XKR6: variants seen among roughly 807,000 people sequenced by gnomAD.
The protein encoded by XKR6 is XK-related protein 6.
A neutral mutation model predicts 56.7 loss-of-function variants in XKR6; 22 were observed. The ratio of observed to expected loss-of-function variants is 0.39; its 90% CI spans 0.28 to 0.55. The LOEUF (loss-of-function observed/expected upper bound fraction) is 0.55, where lower values mean the gene tolerates loss of function less well. XKR6 is among the 20% of genes least tolerant of loss of function. The probability of loss-of-function intolerance (pLI) is 0.66; values close to 1 mark genes in which losing one functional copy is unlikely to be tolerated. For missense variants in XKR6, 852 were observed against 889.0 expected (o/e 0.96, Z 0.53); for synonymous variants, 524 against 387.8 (o/e 1.35, Z -4.13).
At chr8:11,189,741 C>G (rs1471717432) in intron 1 of XKR6, among the ~76,000 whole-genome samples, 1 of 152,154 alleles carries the variant, frequency 6.6e-6, no homozygotes, top group Non-Finnish European at 1.5e-5. Flanking sequence ...TTTCTGAAAA[C>G]CTAGATTTTT....
At chr8:11,068,221 C>A (rs753008083) in intron 1 of XKR6, among the ~76,000 whole-genome samples, 51 of 152,202 alleles carry the variant, frequency 3.4e-4, no homozygotes, top group Non-Finnish European at 6.2e-4. Context: ...GCTCCATCAT[C>A]TCAGACCGTC....
At chr8:11,179,237 G>A (rs1332686568) in intron 1 of XKR6, among the ~76,000 whole-genome samples, 3 of 152,060 alleles carry the variant, frequency 2.0e-5, no homozygotes, top group Non-Finnish European at 4.4e-5. Flanking sequence ...ACAAGCATCT[G>A]GCTAGAAGAC....
chr8:11,043,504 T>C (rs548843881), intron 1 of XKR6, among the ~76,000 whole-genome samples: 10 of 152,228 alleles, frequency 6.6e-5, no homozygotes, highest in Middle Eastern at 3.2e-3. Context: ...GAGTTTGTTT[T>C]ACGTCCCCTG....
At chr8:11,099,562 A>G (rs1199815680) in intron 1 of XKR6, among the ~76,000 whole-genome samples, 2 of 152,086 alleles carry the variant, frequency 1.3e-5, no homozygotes, top group African/African-American at 4.8e-5. Context: ...TAACTCCTTT[A>G]CTTTCTTTAC....
At chr8:10,957,682 C>A (rs1296042654) in intron 1 of XKR6, among the ~76,000 whole-genome samples, 3 of 152,180 alleles carry the variant, frequency 2.0e-5, no homozygotes, top group Non-Finnish European at 4.4e-5. Context: ...GGCAGCATGG[C>A]CCCATCCCTC....
At chr8:11,028,606 T>A (rs1443496408) in intron 1 of XKR6, among the ~76,000 whole-genome samples, 1 of 152,212 alleles carries the variant, frequency 6.6e-6, no homozygotes, top group Non-Finnish European at 1.5e-5. Context: ...TTCTTGTTTG[T>A]AGGAGCTCCA....
chr8:11,131,961 T>C (rs917100203), intron 1 of XKR6, among the ~76,000 whole-genome samples: 2 of 152,114 alleles, frequency 1.3e-5, no homozygotes, highest in South Asian at 4.1e-4. Context: ...AGAACATTAT[T>C]GTTAAGTGAT....
chr8:11,029,316 A>T (rs1049203462), intron 1 of XKR6, among the ~76,000 whole-genome samples: 2 of 151,982 alleles, frequency 1.3e-5, no homozygotes, highest in Admixed American at 1.3e-4. Flanking sequence ...ACCCTTACAG[A>T]CCCCTCATAT....
chr8:11,186,384 A>G (rs1268317765), intron 1 of XKR6, among the ~76,000 whole-genome samples: 1 of 152,154 alleles, frequency 6.6e-6, no homozygotes, highest in Non-Finnish European at 1.5e-5. Context: ...ACTTCAAACC[A>G]GGGCTTTGAG....
At chr8:11,023,843 A>C (rs748882365) in intron 1 of XKR6, among the ~76,000 whole-genome samples, 5 of 152,174 alleles carry the variant, frequency 3.3e-5, no homozygotes, top group African/African-American at 4.8e-5. Context: ...GCCTGTCTTC[A>C]TTACCAGGGT....
At chr8:11,127,178 G>A (rs139812605) in intron 1 of XKR6, among the ~76,000 whole-genome samples, 2 of 152,242 alleles carry the variant, frequency 1.3e-5, no homozygotes, top group African/African-American at 4.8e-5. Flanking sequence ...AGATGTACTA[G>A]AATTCCACCA....
intron 1 of XKR6, among the ~76,000 whole-genome samples, chr8:10,968,341 T>C (rs1320488960): frequency 6.6e-6 from 1 of 152,252 alleles, no homozygotes; most frequent in Non-Finnish European, 1.5e-5. Context: ...GAAGTTAGCA[T>C]CTTAATAAGT....
intron 1 of XKR6, among the ~76,000 whole-genome samples, chr8:11,080,138 G>A (rs192312282): frequency 6.6e-6 from 1 of 151,264 alleles, no homozygotes; most frequent in Admixed American, 6.6e-5. Flanking sequence ...ACCTCAGAAA[G>A]CAAGAAAAAA....
intron 1 of XKR6, among the ~76,000 whole-genome samples, chr8:11,177,430 A>G (rs1306791806): frequency 6.6e-6 from 1 of 152,224 alleles, no homozygotes; most frequent in Admixed American, 6.5e-5. Flanking sequence ...TATGCTAAGA[A>G]AAGACCATGA....
intron 1 of XKR6, among the ~76,000 whole-genome samples, chr8:11,150,700 A>G (rs1801228949): frequency 6.6e-6 from 1 of 151,930 alleles, no homozygotes; most frequent in Non-Finnish European, 1.5e-5. Flanking sequence ...TAAAAATACA[A>G]AAATTAGCTG....
intron 1 of XKR6, among the ~76,000 whole-genome samples, chr8:11,135,757 G>GA (rs542246887): frequency 1.9e-4 from 28 of 150,866 alleles, no homozygotes; most frequent in Non-Finnish European, 3.5e-4. Flanking sequence ...AGAAAAAAGT[G>GA]AAAAAACCAC....
In XKR6 at chr8:11,031,407, C is replaced by T. The variant is rs559471923; in HGVS notation, c.765-106577G>A. Among the ~76,000 whole-genome samples the T allele has an allele frequency of 2.6e-5, 4 of 152,318 alleles. No homozygotes were observed. In the East Asian group the frequency reaches 5.8e-4, roughly 22 times the overall value. On this transcript the variant is annotated intron_variant, in intron 1 of 2. Coordinates refer to ENST00000416569, the MANE Select transcript of XKR6 (RefSeq NM_173683.4). ...CTAGAAGGAGAGTAAGCAATAAGGT[C>T]TGAGGCAGGTCCGAGTAAGGCACTG... is the stretch of plus-strand genomic sequence containing the variant.
chr8:11,174,233 C>G (rs371992557), intron 1 of XKR6, among the ~76,000 whole-genome samples: 3 of 152,242 alleles, frequency 2.0e-5, no homozygotes, highest in South Asian at 2.1e-4. Context: ...TAGGAACACA[C>G]GTGGAGATTC....
chr8:11,150,639 G>C (rs1248587903), intron 1 of XKR6, among the ~76,000 whole-genome samples: 1 of 152,016 alleles, frequency 6.6e-6, no homozygotes, highest in Non-Finnish European at 1.5e-5. Context: ...GATCACCTGA[G>C]GTCAGTAGTT....
Sources: gnomAD v4.1 joint callset for allele counts (sites outside exome capture counted in the v4.1 genomes callset) on GRCh38, gnomAD v4.1.1 for gene constraint, MANE v1.5 for transcripts, NCBI Gene and HGNC (gene_info 2026-07-23, HGNC 2026-07-21) for gene names.